The following NRXN3 variants were observed in gnomAD, a reference collection of about 807,000 sequenced individuals.
NRXN3 encodes the protein neurexin 3, also known as neurexin III.
Under a neutral mutation model 137.6 loss-of-function variants are expected in NRXN3, and 32 were observed. The ratio of observed to expected loss-of-function variants is 0.23; its 90% CI spans 0.18 to 0.31. NRXN3 has a LOEUF of 0.31. Ranked by LOEUF, NRXN3 falls within the 10% of genes least tolerant of loss-of-function variation. NRXN3 has a pLI of 1.00. For missense variants in NRXN3, 1,574 were observed against 2,062.5 expected (o/e 0.76, Z 4.59); for synonymous variants, 798 against 784.5 (o/e 1.02, Z -0.29).
chr14:78,807,649 C>T (rs767301426), intron 9 of NRXN3, among the ~76,000 whole-genome samples: 8 of 148,858 alleles, frequency 5.4e-5, no homozygotes, highest in East Asian at 2.0e-4. Context: ...GCAGGAGAAT[C>T]GCTTGAACAC....
At chr14:78,437,564 G>C (rs1377289404) in intron 4 of NRXN3, among the ~76,000 whole-genome samples, 1 of 152,118 alleles carries the variant, frequency 6.6e-6, no homozygotes, top group African/African-American at 2.4e-5. Context: ...GGCCAGGCTG[G>C]TCTTGAACTC....
intron 20 of NRXN3, among the ~76,000 whole-genome samples, chr14:79,824,402 G>T (rs991521857): frequency 7.9e-5 from 2 of 25,280 alleles, no homozygotes; most frequent in Non-Finnish European, 1.8e-4. Flanking sequence ...GTTTTTTGAT[G>T]GTTTTTTTTT....
chr14:78,397,696 C>T (rs568068409), intron 4 of NRXN3, among the ~76,000 whole-genome samples: 6 of 151,732 alleles, frequency 4.0e-5, no homozygotes, highest in South Asian at 2.1e-4. Context: ...CTCTACCTCC[C>T]GGGTTCAAGT....
intron 19 of NRXN3, among the ~76,000 whole-genome samples, chr14:79,751,250 G>T (rs1387937953): frequency 6.6e-6 from 1 of 152,022 alleles, no homozygotes; most frequent in Non-Finnish European, 1.5e-5. Flanking sequence ...ATTTCATTGA[G>T]CAGTGGTTTG....
chr14:79,255,318 C>G (rs1048559573), intron 15 of NRXN3, among the ~76,000 whole-genome samples: 1 of 152,138 alleles, frequency 6.6e-6, no homozygotes, highest in Non-Finnish European at 1.5e-5. Context: ...CCAGATTTTC[C>G]TAGCAGGGAC....
At chr14:79,631,515 T>C (rs2098346436) in intron 16 of NRXN3, among the ~76,000 whole-genome samples, 1 of 152,158 alleles carries the variant, frequency 6.6e-6, no homozygotes, top group African/African-American at 2.4e-5. Flanking sequence ...GGGTTCGGGC[T>C]CCGTGGCCCC....
At chr14:79,627,019 T>A (rs991899617) in intron 16 of NRXN3, among the ~76,000 whole-genome samples, 2 of 152,112 alleles carry the variant, frequency 1.3e-5, no homozygotes, top group African/African-American at 4.8e-5. Context: ...CTTAGTTAAA[T>A]CCTCTATCAA....
chr14:78,916,688 C>G (rs1247081626), intron 10 of NRXN3, among the ~76,000 whole-genome samples: 1 of 152,206 alleles, frequency 6.6e-6, no homozygotes, highest in South Asian at 2.1e-4. Context: ...GGTGGAAGCA[C>G]AGCAGGTGAT....
At chr14:78,386,061 C>CA (rs5809884) in intron 4 of NRXN3, among the ~76,000 whole-genome samples, 150,198 of 151,798 alleles carry the variant, frequency 0.99, 74,320 homozygotes, top group Non-Finnish European at 1. Context: ...AACAAAAGAG[C>CA]AAAAAAAGTC....
At chr14:79,307,610 T>C (rs1202918796) in intron 15 of NRXN3, among the ~76,000 whole-genome samples, 6 of 152,148 alleles carry the variant, frequency 3.9e-5, no homozygotes, top group Admixed American at 3.9e-4. Context: ...AAGCCTTGAC[T>C]GGGCTGGAAG....
At chr14:79,586,109 T>C (rs1284542947) in intron 16 of NRXN3, among the ~76,000 whole-genome samples, 1 of 152,230 alleles carries the variant, frequency 6.6e-6, no homozygotes, top group Non-Finnish European at 1.5e-5. Context: ...ATATGCCAAA[T>C]ACTTGGCATT....
chr14:78,594,731 G>A (rs1056217666), intron 4 of NRXN3, among the ~76,000 whole-genome samples: 1 of 152,156 alleles, frequency 6.6e-6, no homozygotes, highest in South Asian at 2.1e-4. Flanking sequence ...GCCACTGTGG[G>A]CTATGCTTTC....
intron 4 of NRXN3, among the ~76,000 whole-genome samples, chr14:78,579,717 A>G (rs560279388): frequency 3.0e-4 from 46 of 152,254 alleles, no homozygotes; most frequent in African/African-American, 1.0e-3. Context: ...GAGTGCTACT[A>G]AGGCAGAGGT....
intron 15 of NRXN3, among the ~76,000 whole-genome samples, chr14:79,179,658 G>A (rs1206591305): frequency 6.6e-6 from 1 of 152,198 alleles, no homozygotes; most frequent in Non-Finnish European, 1.5e-5. Context: ...ACTGGGTGGA[G>A]AAAATGGAGA....
chr14:79,132,888 C>T (rs2057739754), intron 15 of NRXN3, among the ~76,000 whole-genome samples: 1 of 152,232 alleles, frequency 6.6e-6, no homozygotes, highest in Non-Finnish European at 1.5e-5. Flanking sequence ...CTGACACTAA[C>T]ATGACCTTTC....
At chr14:79,816,068 A>G (rs1185175807) in intron 20 of NRXN3, among the ~76,000 whole-genome samples, 1 of 152,186 alleles carries the variant, frequency 6.6e-6, no homozygotes, top group African/African-American at 2.4e-5. Context: ...TACTGGGTAC[A>G]TGAAAACATA....
chr14:78,757,633 G>A (rs570224976), intron 8 of NRXN3, among the ~76,000 whole-genome samples: 69 of 152,280 alleles, frequency 4.5e-4, no homozygotes, highest in Non-Finnish European at 4.9e-4. Flanking sequence ...TAAAGGATGA[G>A]ATTCACATAA....
intron 16 of NRXN3, among the ~76,000 whole-genome samples, chr14:79,589,550 T>TAAAAAAAAAAAAAAAA (rs58740411): frequency 2.3e-5 from 2 of 87,056 alleles, no homozygotes; most frequent in African/African-American, 4.8e-5. Context: ...GTAGAATACC[T>TAAAAAAAAAAAAAAAA]AAAAAAAAAA....
At chr14:79,366,590 C>G (rs1352135766) in intron 15 of NRXN3, among the ~76,000 whole-genome samples, 1 of 152,172 alleles carries the variant, frequency 6.6e-6, no homozygotes, top group African/African-American at 2.4e-5. Flanking sequence ...AGACTCTTCT[C>G]CTCTTTCTCT....
Sources: gnomAD v4.1 joint callset for allele counts (sites outside exome capture counted in the v4.1 genomes callset) on GRCh38, gnomAD v4.1.1 for gene constraint, MANE v1.5 for transcripts, NCBI Gene and HGNC (gene_info 2026-07-23, HGNC 2026-07-21) for gene names.